SGCZ: variants seen among roughly 807,000 people sequenced by gnomAD.
The protein encoded by SGCZ is sarcoglycan zeta.
A neutral mutation model predicts 41.3 loss-of-function variants in SGCZ; 40 were observed. The ratio of observed to expected loss-of-function variants is 0.97; its 90% CI spans 0.75 to 1.26. SGCZ has a LOEUF of 1.26. Ranked by LOEUF, SGCZ falls within the 50% of genes most tolerant of loss-of-function variation. SGCZ has a pLI of 0.00. For synonymous variants in SGCZ, 206 were observed against 137.5 expected, an observed-to-expected ratio of 1.50 and a Z score of -3.49; for missense variants, 552 against 369.8, an observed-to-expected ratio of 1.49 and a Z score of -4.04.
chr8:15,065,069 TGTCA>T (rs1408309173), intron 1 of SGCZ, among the ~76,000 whole-genome samples: 1 of 152,142 alleles, frequency 6.6e-6, no homozygotes, highest in Non-Finnish European at 1.5e-5. Flanking sequence ...AATCTGATCA[TGTCA>T]GTCCTGCCAA....
At chr8:14,431,511 T>G (rs979224287) in intron 2 of SGCZ, among the ~76,000 whole-genome samples, 4 of 152,116 alleles carry the variant, frequency 2.6e-5, no homozygotes, top group Admixed American at 2.6e-4. Flanking sequence ...AACTGGATCT[T>G]CACCTCTCAC....
At chr8:14,292,676 A>T (rs935020156) in intron 3 of SGCZ, among the ~76,000 whole-genome samples, 1 of 152,002 alleles carries the variant, frequency 6.6e-6, no homozygotes, top group Non-Finnish European at 1.5e-5. Flanking sequence ...ACTAAAGTCA[A>T]ATTCTGGATC....
chr8:15,111,904 A>C (rs1807078443), intron 1 of SGCZ, among the ~76,000 whole-genome samples: 1 of 151,580 alleles, frequency 6.6e-6, no homozygotes, highest in Admixed American at 6.6e-5. Flanking sequence ...GTCTCCCAAA[A>C]AAAAAAAAAA....
chr8:14,244,952 A>G (rs1034725255), intron 3 of SGCZ, among the ~76,000 whole-genome samples: 1 of 152,058 alleles, frequency 6.6e-6, no homozygotes, highest in African/African-American at 2.4e-5. Flanking sequence ...TTGTATCCTG[A>G]GACTTTGCTG....
At chr8:14,902,565 T>C (rs1357386837) in intron 1 of SGCZ, among the ~76,000 whole-genome samples, 1 of 152,174 alleles carries the variant, frequency 6.6e-6, no homozygotes, top group Non-Finnish European at 1.5e-5. Flanking sequence ...AGCATCTTTC[T>C]GGTTTTGGTG....
chr8:15,133,430 G>A (rs1323038248), intron 1 of SGCZ, among the ~76,000 whole-genome samples: 1 of 152,146 alleles, frequency 6.6e-6, no homozygotes, highest in African/African-American at 2.4e-5. Flanking sequence ...ATAGCCCTCA[G>A]TGAAAATCTT....
chr8:14,120,222 A>G (rs1399252495), intron 5 of SGCZ, among the ~76,000 whole-genome samples: 2 of 152,204 alleles, frequency 1.3e-5, no homozygotes, highest in Non-Finnish European at 2.9e-5. Flanking sequence ...ATGGCAGACA[A>G]TTAATAAAAT....
At chr8:14,309,245 T>C in intron 3 of SGCZ, 3 of 1,525,640 alleles carry the variant, frequency 2.0e-6, no homozygotes, top group Middle Eastern at 2.4e-4. Flanking sequence ...CTGGGCTCTG[T>C]ACAACCATAT....
At chr8:14,561,986 A>C (rs1011604520) in intron 1 of SGCZ, among the ~76,000 whole-genome samples, 1 of 152,130 alleles carries the variant, frequency 6.6e-6, no homozygotes, top group Non-Finnish European at 1.5e-5. Flanking sequence ...GCATGTAGAC[A>C]ACAGAAGGGA....
At chr8:14,650,761 G>A (rs1053028405) in intron 1 of SGCZ, among the ~76,000 whole-genome samples, 1 of 152,000 alleles carries the variant, frequency 6.6e-6, no homozygotes, top group Admixed American at 6.6e-5. Context: ...AAAGCTGTTT[G>A]TGGTTTGACC....
At chr8:14,742,273 G>A (rs575264724) in intron 1 of SGCZ, among the ~76,000 whole-genome samples, 23 of 152,060 alleles carry the variant, frequency 1.5e-4, no homozygotes, top group Non-Finnish European at 8.8e-5. Flanking sequence ...TAAATTTCAT[G>A]AATTAAAATA....
chr8:14,431,137 G>A (rs1799931588), intron 2 of SGCZ, among the ~76,000 whole-genome samples: 1 of 152,088 alleles, frequency 6.6e-6, no homozygotes, highest in Non-Finnish European at 1.5e-5. Context: ...CAAATTCAAT[G>A]CAATTGCCAT....
chr8:14,604,509 T>C (rs1264932811), intron 1 of SGCZ, among the ~76,000 whole-genome samples: 2 of 152,158 alleles, frequency 1.3e-5, no homozygotes, highest in Admixed American at 6.5e-5. Flanking sequence ...ATGAGTGTCA[T>C]ATCAGGTACA....
intron 2 of SGCZ, among the ~76,000 whole-genome samples, chr8:14,327,833 T>G (rs951284215): frequency 2.6e-5 from 4 of 152,172 alleles, no homozygotes; most frequent in Admixed American, 1.3e-4. Context: ...CAGGCTGGAG[T>G]GCAGCGGCGC....
intron 1 of SGCZ, among the ~76,000 whole-genome samples, chr8:14,992,956 C>T (rs571470718): frequency 1.9e-4 from 29 of 151,550 alleles, no homozygotes; most frequent in African/African-American, 6.8e-4. Context: ...TTACCCCCCA[C>T]CCATCCTCCT....
At chr8:15,140,167 G>T (rs1405848506) in intron 1 of SGCZ, among the ~76,000 whole-genome samples, 2 of 152,000 alleles carry the variant, frequency 1.3e-5, no homozygotes, top group African/African-American at 4.8e-5. Flanking sequence ...GGTGCACACA[G>T]GTGTGCACCA....
chr8:14,348,053 A>C (rs1349268485), intron 2 of SGCZ, among the ~76,000 whole-genome samples: 3 of 152,042 alleles, frequency 2.0e-5, no homozygotes, highest in African/African-American at 4.8e-5. Flanking sequence ...TCTTACAAGA[A>C]ACCAGGCACG....
In SGCZ at chr8:14,230,759, G is replaced by GTTT. The variant is rs1281644519; in HGVS notation, c.424+6832_424+6833insAAA. On this transcript the variant is annotated intron_variant, in intron 4 of 7. Transcript: ENST00000382080. ...GTCTTCTTTCCTTCTTTTTTTTTTG[G>GTTT]TGGTGGTGGGGGGGTGGTTACTCAA... 2.4e-5 allele frequency among the ~76,000 whole-genome samples: 3 copies of GTTT among 125,590 alleles called. No homozygotes were observed. In the East Asian group the frequency reaches 7.0e-4, roughly 29 times the overall value. 82.4% of individuals were successfully genotyped at this position (125,590 alleles called of 152,430 possible).
chr8:14,481,046 G>C (rs1484312980), intron 2 of SGCZ, among the ~76,000 whole-genome samples: 1 of 151,816 alleles, frequency 6.6e-6, no homozygotes, highest in Admixed American at 6.6e-5. Context: ...CAACAAACTA[G>C]AAGAAAATAT....
Sources: allele counts gnomAD v4.1 joint callset (sites outside exome capture counted in the v4.1 genomes callset), GRCh38; gene constraint gnomAD v4.1.1; transcripts MANE v1.5; gene names NCBI Gene and HGNC (gene_info 2026-07-23, HGNC 2026-07-21).